The following MTMR9 variants were observed in gnomAD, a reference collection of about 807,000 sequenced individuals.
MTMR9 encodes myotubularin-related protein 9.
A neutral mutation model predicts 69.5 loss-of-function variants in MTMR9; 39 were observed. The ratio of observed to expected loss-of-function variants is 0.56; its 90% CI spans 0.43 to 0.73. The LOEUF (loss-of-function observed/expected upper bound fraction) is 0.73. MTMR9 is among the 30% of genes least tolerant of loss of function. MTMR9 has a pLI of 0.00. For missense variants in MTMR9, 900 were observed against 671.2 expected, an observed-to-expected ratio of 1.34 and a Z score of -3.77; for synonymous variants, 354 against 240.8, an observed-to-expected ratio of 1.47 and a Z score of -4.35.
intron 1 of MTMR9, among the ~76,000 whole-genome samples, chr8:11,285,662 C>T (rs1799121716): frequency 6.6e-6 from 1 of 152,118 alleles, no homozygotes; most frequent in South Asian, 2.1e-4. Context: ...GGTTGGCTCT[C>T]AAGGAAAGGC....
downstream of MTMR9, among the ~76,000 whole-genome samples, chr8:11,328,968 G>T (rs923847770): frequency 7.9e-5 from 12 of 152,172 alleles, no homozygotes; most frequent in Admixed American, 5.9e-4. Flanking sequence ...TACCGTGTAA[G>T]GTAAGGGCCC....
chr8:11,288,607 G>T (rs1309680150), intron 1 of MTMR9, among the ~76,000 whole-genome samples: 1 of 152,070 alleles, frequency 6.6e-6, no homozygotes, highest in African/African-American at 2.4e-5. Context: ...GCAGAGAAGA[G>T]CGAAGAGGCC....
Position 11,315,050 on chromosome 8 carries a change from A to G in MTMR9, c.1099A>G (p.Arg367Gly), listed in dbSNP as rs764390122. 24 of 1,613,640 alleles carry G rather than the reference A, an allele frequency of 1.5e-5. No homozygotes were observed. The highest frequency in any genetic ancestry group is 1.7e-5 in the Non-Finnish European group (20 of 1,179,704). ...TCGTGGTTTTGAGGCCCTGATTGAA[A>G]GAGAGTGGCTGCAGGTGAGAAGAGC... ...TIRGFEALIE[R>G]EWLQAGHPFQ... Residue 367 changes from arginine to glycine, a missense_variant, in exon 7 of 10, where the codon AGA becomes GGA. By Grantham distance (125) the Arg-to-Gly change is moderately radical. Coordinates refer to ENST00000221086, the MANE Select transcript of MTMR9 (RefSeq NM_015458.4).
Position 11,310,067 on chromosome 8 carries a change from A to G in MTMR9, c.971+379A>G, listed in dbSNP as rs117502507. On this transcript the variant is annotated intron_variant, in intron 6 of 9. Coordinates refer to ENST00000221086, the MANE Select transcript of MTMR9 (RefSeq NM_015458.4). ...GCGAACTTACCTCCTTACTTTTGAA[A>G]TATCAGCGAAAGGAAACGTAATTTT... Among the ~76,000 whole-genome samples the G allele has an allele frequency of 9.8e-5, 15 of 152,328 alleles. No individual in the cohort carries two copies. In the East Asian group the frequency reaches 2.1e-3, roughly 21 times the overall value.
At chr8:11,288,244 AATTAT>A (rs1214396332) in intron 1 of MTMR9, among the ~76,000 whole-genome samples, 23 of 136,916 alleles carry the variant, frequency 1.7e-4, no homozygotes, top group South Asian at 6.5e-4. Context: ...TAATAATAAT[AATTAT>A]ATTATAATAA....
intron 3 of MTMR9, among the ~76,000 whole-genome samples, chr8:11,301,742 C>G (rs1019955832): frequency 1.6e-4 from 13 of 81,344 alleles, no homozygotes; most frequent in Non-Finnish European, 2.6e-4. Flanking sequence ...TAAGTTTTGT[C>G]TCAAAGTTGA....
intron 2 of MTMR9, among the ~76,000 whole-genome samples, chr8:11,296,033 T>C (rs150861282): frequency 4.4e-4 from 67 of 152,272 alleles, no homozygotes; most frequent in African/African-American, 1.1e-3. Flanking sequence ...TCTTTTGTAA[T>C]AAATACAGTT....
chr8:11,334,472 T>C, the MTMR9 span, among the ~76,000 whole-genome samples: 3 of 152,282 alleles, frequency 2.0e-5, no homozygotes, highest in South Asian at 2.1e-4. Flanking sequence ...TAGGTTGTTA[T>C]GTGTAATGCT....
chr8:11,319,923 A>C, intron 9 of MTMR9, 85 bp downstream of exon 9: 1 of 1,425,590 alleles, frequency 7.0e-7, no homozygotes, highest in African/African-American at 1.4e-5. Flanking sequence ...TGATGTATGA[A>C]GATGGTGAGC....
the MTMR9 span, among the ~76,000 whole-genome samples, chr8:11,336,347 A>G: frequency 6.6e-6 from 1 of 152,354 alleles, no homozygotes; most frequent in South Asian, 2.1e-4. Flanking sequence ...AAAGAGGCTG[A>G]CTGATCCTTT....
chr8:11,312,886 A>G (rs1004210900), intron 6 of MTMR9, among the ~76,000 whole-genome samples: 5 of 152,210 alleles, frequency 3.3e-5, no homozygotes, highest in African/African-American at 1.2e-4. Flanking sequence ...CCTCTCCATC[A>G]GAGCTCTTAA....
intron 8 of MTMR9, chr8:11,318,689 G>C (rs1241462901): frequency 6.6e-6 from 1 of 152,204 alleles, no homozygotes; most frequent in Non-Finnish European, 1.5e-5. Context: ...GATAAAGAGT[G>C]TTCCAGAGTT....
At chr8:11,300,368 C>T (rs995380286) in intron 3 of MTMR9, 1 of 349,088 alleles carries the variant, frequency 2.9e-6, no homozygotes, top group Admixed American at 4.4e-5. Flanking sequence ...AGGAATACCC[C>T]CAAGTATTTC....
downstream of MTMR9, among the ~76,000 whole-genome samples, chr8:11,329,000 A>G (rs2117490173): frequency 6.6e-6 from 1 of 152,256 alleles, no homozygotes; most frequent in Middle Eastern, 3.4e-3. Context: ...TTGCATATGG[A>G]TATTCAGTTT....
chr8:11,285,405 G>A (rs367744010), intron 1 of MTMR9: 2 of 228,970 alleles, frequency 8.7e-6, no homozygotes, highest in East Asian at 1.9e-4. Context: ...AATTGGTATT[G>A]TCAGTCACCG....
At chr8:11,333,055 T>C (rs1259001637), downstream of MTMR9, among the ~76,000 whole-genome samples, 3 of 152,110 alleles carry the variant, frequency 2.0e-5, no homozygotes, top group Non-Finnish European at 4.4e-5. Flanking sequence ...CAACATATGG[T>C]TTATGAGAGT....
chr8:11,331,503 G>A (rs772625769), downstream of MTMR9: 3 of 1,613,882 alleles, frequency 1.9e-6, no homozygotes, highest in South Asian at 1.1e-5. Flanking sequence ...CGCTGCCACT[G>A]TTCGCAAAGG....
intron 5 of MTMR9, among the ~76,000 whole-genome samples, chr8:11,308,918 C>G (rs1215376019): frequency 6.6e-6 from 1 of 152,216 alleles, no homozygotes; most frequent in African/African-American, 2.4e-5. Flanking sequence ...GCCAGCTCCT[C>G]TGCAGGTAGA....
At chr8:11,322,135 G>T (rs1040316781) in intron 9 of MTMR9, among the ~76,000 whole-genome samples, 3 of 152,112 alleles carry the variant, frequency 2.0e-5, no homozygotes, top group Non-Finnish European at 2.9e-5. Context: ...TAAGCACGTG[G>T]GCTACAGTTC....
Sources: allele counts gnomAD v4.1 joint callset (sites outside exome capture counted in the v4.1 genomes callset), GRCh38; gene constraint gnomAD v4.1.1; transcripts MANE v1.5; gene names NCBI Gene and HGNC (gene_info 2026-07-23, HGNC 2026-07-21).